The following NIF3L1 variants were observed in gnomAD, a reference collection of about 807,000 sequenced individuals.
NIF3L1 encodes NGG1 interacting factor 3 like 1.
NIF3L1 carries 26 observed loss-of-function variants against 35.0 expected under a neutral mutation model. The observed-to-expected ratio is 0.74, with a 90% CI of 0.54 to 1.03. NIF3L1 has a LOEUF of 1.03. Ranked by LOEUF, NIF3L1 falls within the 50% of genes least tolerant of loss-of-function variation. The pLI, the probability that NIF3L1 is intolerant of heterozygous loss-of-function variation, is 0.00. For missense variants in NIF3L1, 449 were observed against 466.3 expected (o/e 0.96, Z 0.34); for synonymous variants, 157 against 178.9 (o/e 0.88, Z 0.98).
intron 3 of NIF3L1, among the ~76,000 whole-genome samples, chr2:200,894,655 A>C (rs753346446): frequency 1.2e-4 from 18 of 149,222 alleles, no homozygotes; most frequent in Non-Finnish European, 2.1e-4. Context: ...TAATCCACCT[A>C]CCTTGGCCTC....
chr2:200,899,241 T>A (rs1034673419), intron 5 of NIF3L1, 144 bp from the exon 6 acceptor site: 38 of 498,756 alleles, frequency 7.6e-5, no homozygotes, highest in Admixed American at 1.5e-4. Context: ...ATGTTTTTTT[T>A]AAAATGCAGT....
Position 200,899,401 on chromosome 2 carries a change from C to T in NIF3L1, c.882C>T (p.Val294=), listed in dbSNP as rs564959592. ...VGRTLESQVK[V]VALCAGSGSS... ...GTTTTGAAGAGTCTCAAGTCAAAGT[C>T]GTGGCCCTGTGTGCTGGTTCTGGGA... Residue 294 remains valine, a synonymous_variant, in exon 6 of 7, where the codon GTC becomes GTT. Coordinates refer to ENST00000409020, the MANE Select transcript of NIF3L1 (RefSeq NM_001369441.2). 9 of 1,613,884 alleles carry T rather than the reference C, an allele frequency of 5.6e-6. No individual in the cohort carries two copies. Among genetic ancestry groups the T allele is most frequent in the South Asian group, 5.5e-5 (5 of 91,052 alleles).
At chr2:200,894,002 T>C (rs1207405817) in intron 3 of NIF3L1, among the ~76,000 whole-genome samples, 2 of 151,894 alleles carry the variant, frequency 1.3e-5, no homozygotes, top group African/African-American at 4.8e-5. Context: ...TGGAGAAACC[T>C]CGTCTCTACT....
At chr2:200,894,408 T>C (rs2040260294) in intron 3 of NIF3L1, among the ~76,000 whole-genome samples, 1 of 151,962 alleles carries the variant, frequency 6.6e-6, no homozygotes, top group South Asian at 2.1e-4. Context: ...AGGAATTTTT[T>C]TTATTTTTTT....
rs1032928440 is a variant in NIF3L1 at position 200,895,304 on chromosome 2, A to G, written c.640A>G (p.Thr214Ala). 1 of 1,613,990 alleles carries G rather than the reference A, an allele frequency of 6.2e-7. No homozygotes were observed. Among genetic ancestry groups the G allele is most frequent in the South Asian group, 1.1e-5 (1 of 91,084 alleles). Residue 214 changes from threonine (T) to alanine (A), a missense_variant, in exon 4 of 7, where the codon ACT becomes GCT. By Grantham distance (58) the Thr-to-Ala change is moderately conservative. Coordinates refer to ENST00000409020, the MANE Select transcript of NIF3L1 (RefSeq NM_001369441.2). ...EEQTRINLNCTQKALMQVVDF... is the reference protein window; with the variant it reads ...EEQTRINLNCAQKALMQVVDF... ...ACAAACACGGATTAATCTGAATTGT[A>G]CTCAGAAGGCTTTGATGCAGGTGGT...
In NIF3L1 at chr2:200,893,391, C is replaced by T. The variant is rs774607467; in HGVS notation, c.582C>T (p.Val194=). The part of the protein sequence containing the change: ...SAVKGIDGVS[V]TSFSARTGNE... ...TGAAAGGAATTGACGGTGTTTCTGT[C>T]ACTTCTTTTTCTGCTAGGTACAATT... is the stretch of plus-strand genomic sequence containing the variant. Residue 194 remains valine, a synonymous_variant, in exon 3 of 7, where the codon GTC becomes GTT. Transcript: ENST00000409020. 6.2e-7 allele frequency: 1 copy of T among 1,613,648 alleles called. No homozygotes were observed. The highest frequency in any genetic ancestry group is 1.3e-5 in the African/African-American group (1 of 74,872).
At chr2:200,900,624 A>G (rs867935666) in intron 6 of NIF3L1, among the ~76,000 whole-genome samples, 1 of 152,246 alleles carries the variant, frequency 6.6e-6, no homozygotes, top group Non-Finnish European at 1.5e-5. Flanking sequence ...AATTGCTCTA[A>G]ACCAATAAAT....
At chr2:200,895,466 A>G in intron 4 of NIF3L1, 76 bp downstream of exon 4, 2 of 1,467,516 alleles carry the variant, frequency 1.4e-6, no homozygotes, top group African/African-American at 1.4e-5. Context: ...GGTATAATTG[A>G]TATACTTAGG....
chr2:200,900,457 C>G (rs1575139070), intron 6 of NIF3L1, among the ~76,000 whole-genome samples: 1 of 152,130 alleles, frequency 6.6e-6, no homozygotes, highest in Non-Finnish European at 1.5e-5. Context: ...GCTCTAGGCT[C>G]TTAGCCCTCT....
chr2:200,895,440 C>G (rs773938702), intron 4 of NIF3L1, 50 bp downstream of exon 4: 15 of 1,582,636 alleles, frequency 9.5e-6, no homozygotes, highest in Admixed American at 1.7e-5. Context: ...CACACATTTT[C>G]TAACAGTATA....
In NIF3L1 at chr2:200,892,123, A is replaced by C. The variant is rs747889507; in HGVS notation, c.180A>C (p.Pro60=). 1 of 1,614,212 alleles carries C rather than the reference A, an allele frequency of 6.2e-7. No individual in the cohort carries two copies. The highest frequency in any genetic ancestry group is 1.1e-5 in the South Asian group (1 of 91,092). Residue 60 remains proline (P), a synonymous_variant, in exon 2 of 7, where the codon CCA becomes CCC. Transcript: ENST00000409020. ...DNVGLLVEPS[P]PHTVNTLFLT... ...TTGGATTACTGGTGGAACCAAGCCC[A>C]CCACATACTGTAAATACACTCTTCC...
At chr2:200,900,540 T>TA (rs1174765551) in intron 6 of NIF3L1, among the ~76,000 whole-genome samples, 1 of 152,128 alleles carries the variant, frequency 6.6e-6, no homozygotes, top group East Asian at 1.9e-4. Context: ...CACACTCTCT[T>TA]ACAAAGGCTG....
rs1340536549 is a variant in NIF3L1 at position 200,897,631 on chromosome 2, AAG to A, written c.865+422_865+423del. Among the ~76,000 whole-genome samples the A allele has an allele frequency of 8.5e-5, 13 of 152,284 alleles. No homozygotes were observed. The East Asian group carries it at 1.7e-3, about 20-fold the overall frequency. On this transcript the variant is annotated intron_variant, in intron 5 of 6. Coordinates refer to ENST00000409020, the MANE Select transcript of NIF3L1 (RefSeq NM_001369441.2). ...AAGTGCAGTCTTACCATGTGTCAGG[AAG>A]AGAGCTGGAATCATGATTGCTACAA...
chr2:200,902,541 C>T (rs982385981), intron 6 of NIF3L1, among the ~76,000 whole-genome samples: 1 of 151,862 alleles, frequency 6.6e-6, no homozygotes, highest in African/African-American at 2.4e-5. Context: ...GTACTCCAGC[C>T]TGGGTGACAG....
Position 200,892,304 on chromosome 2 carries a change from G to C in NIF3L1, c.361G>C (p.Val121Leu). The change falls in exon 2 of 7, where the codon GTC becomes CTC. Residue 121 changes from valine (V) to leucine (L), a missense_variant. Coordinates refer to ENST00000409020, the MANE Select transcript of NIF3L1 (RefSeq NM_001369441.2). ...RLVIRALENR[V>L]GIYSPHTAYD... is the part of the protein sequence containing the mutation. Reference sequence around the variant, plus strand: ...GGTGATCCGGGCTCTGGAGAACAGAGTCGGTATCTACTCTCCTCATACAGC... The same window carrying C: ...GGTGATCCGGGCTCTGGAGAACAGACTCGGTATCTACTCTCCTCATACAGC... 1 of 1,613,870 alleles carries C rather than the reference G, an allele frequency of 6.2e-7. No individual in the cohort carries two copies. Among genetic ancestry groups the C allele is most frequent in the South Asian group, 1.1e-5 (1 of 91,090 alleles).
rs1462633432 is a variant in NIF3L1, at chr2:200,903,593, T to C, written c.1049T>C (p.Leu350Pro). 1 of 1,613,970 alleles carries C rather than the reference T, an allele frequency of 6.2e-7. No individual in the cohort carries two copies. The highest frequency in any genetic ancestry group is 2.2e-5 in the East Asian group (1 of 44,870). ...SNTERGFLSDLRDMLDSHLEN... is the reference protein window; with the variant it reads ...SNTERGFLSDPRDMLDSHLEN... The stretch of plus-strand genomic sequence containing the variant: ...ACTGAACGAGGCTTTCTTTCTGACC[T>C]TCGAGATATGCTGGATTCTCACTTG... The change falls in exon 7 of 7, where the codon CTT (leucine) becomes CCT (proline). Residue 350 changes from leucine (L) to proline (P), a missense_variant. Physicochemically the swap from Leu to Pro is moderately conservative, Grantham distance 98 (BLOSUM62 -3). Transcript: ENST00000409020.
At chr2:200,901,831 C>G (rs753001167) in intron 6 of NIF3L1, among the ~76,000 whole-genome samples, 1 of 152,212 alleles carries the variant, frequency 6.6e-6, no homozygotes, top group African/African-American at 2.4e-5. Flanking sequence ...GATTTCCCCC[C>G]TTTCATGCCT....
intron 6 of NIF3L1, among the ~76,000 whole-genome samples, chr2:200,901,711 G>A (rs2040412490): frequency 1.3e-5 from 2 of 152,100 alleles, no homozygotes; most frequent in African/African-American, 4.8e-5. Flanking sequence ...TGTAAATTAA[G>A]TTCTCCCATT....
intron 4 of NIF3L1, 133 bp downstream of exon 4, chr2:200,895,523 T>C: frequency 1.2e-6 from 1 of 840,022 alleles, no homozygotes; most frequent in Non-Finnish European, 1.9e-6. Flanking sequence ...TACTAAGAAT[T>C]GTACATATTT....
Sources: allele counts gnomAD v4.1 joint callset (sites outside exome capture counted in the v4.1 genomes callset), GRCh38; gene constraint gnomAD v4.1.1; transcripts MANE v1.5; gene names NCBI Gene and HGNC (gene_info 2026-07-23, HGNC 2026-07-21).